Variants in DEPDC7 observed in about 807,000 individuals in gnomAD.
DEPDC7 encodes the protein DEP domain containing 7, also known as DEP domain-containing protein 7.
In DEPDC7, 41 loss-of-function variants were observed where a neutral mutation model predicts 56.6. The observed-to-expected ratio is 0.72, with a 90% CI of 0.56 to 0.94. The LOEUF (loss-of-function observed/expected upper bound fraction) is 0.94, where lower values mean the gene tolerates loss of function less well. Among genes scored for constraint, DEPDC7 ranks in the 40% least tolerant of loss-of-function variants. The pLI is 0.00. For missense variants in DEPDC7, 522 were observed against 596.3 expected (o/e 0.88, Z 1.30); for synonymous variants, 185 against 208.8 (o/e 0.89, Z 0.98).
At chr11:33,024,150 A>G (rs2133661170) in intron 1 of DEPDC7, among the ~76,000 whole-genome samples, 1 of 152,376 alleles carries the variant, frequency 6.6e-6, no homozygotes, top group Non-Finnish European at 1.5e-5. Flanking sequence ...ACAAAAACCC[A>G]AGACCTGATT....
Position 33,025,671 on chromosome 11 carries a change from C to T in DEPDC7, c.86C>T (p.Ala29Val), listed in dbSNP as rs780581236. The T allele has an allele frequency of 1.9e-6, 3 of 1,606,924 alleles. No individual in the cohort carries two copies. The highest frequency in any genetic ancestry group is 1.1e-5 in the South Asian group (1 of 90,898). Residue 29 changes from alanine (A) to valine (V), a missense_variant, in exon 2 of 9, where the codon GCT becomes GTT. Coordinates refer to ENST00000241051, the MANE Select transcript of DEPDC7 (RefSeq NM_001077242.2). The part of the protein sequence containing the change: ...PAHRPPGFSV[A>V]QKPFGATYVW... ...TTTCTCCTTCTAGGTTTCAGTGTAG[C>T]TCAGAAGCCATTTGGAGCCACGTAT...
chr11:33,022,889 C>G (rs1247834915), intron 1 of DEPDC7, among the ~76,000 whole-genome samples: 3 of 152,248 alleles, frequency 2.0e-5, no homozygotes, highest in Non-Finnish European at 2.9e-5. Context: ...GGAAGACTGG[C>G]AACAATTACT....
chr11:33,019,017 C>T (rs72901281), intron 1 of DEPDC7, among the ~76,000 whole-genome samples: 32,686 of 152,062 alleles, frequency 0.21, 3,725 homozygotes, highest in South Asian at 0.35. Context: ...TGCCCAAGAT[C>T]GTGTTATTAG....
intron 1 of DEPDC7, among the ~76,000 whole-genome samples, chr11:33,024,341 C>T (rs931038732): frequency 3.3e-5 from 5 of 152,120 alleles, no homozygotes; most frequent in Non-Finnish European, 5.9e-5. Context: ...GTTACTTTAC[C>T]GCGCATACAA....
chr11:33,020,207 T>C (rs775913285), intron 1 of DEPDC7, among the ~76,000 whole-genome samples: 4 of 152,196 alleles, frequency 2.6e-5, no homozygotes, highest in Non-Finnish European at 5.9e-5. Flanking sequence ...TAGGGAATTA[T>C]TATGACTCAG....
chr11:33,031,371 C>A lies in DEPDC7; in HGVS notation c.783-7C>A, dbSNP rs1853630539. 5.0e-6 allele frequency: 8 copies of A among 1,607,286 alleles called. No homozygotes were observed. In the Admixed American group the frequency reaches 1.0e-4, roughly 20 times the overall value. ...CCTTTTAAATAATCTTCCCCTCTCCCCTATAGGGAAGATGAGTGGCTCTCG... is the reference window on the plus strand; with the variant it reads ...CCTTTTAAATAATCTTCCCCTCTCCACTATAGGGAAGATGAGTGGCTCTCG... On this transcript the variant is annotated splice_polypyrimidine_tract_variant and splice_region_variant and intron_variant, in intron 4 of 8. Transcript: ENST00000241051.
Position 33,025,697 on chromosome 11 carries a change from G to T in DEPDC7, c.112G>T (p.Val38Leu). ...TCAGAAGCCATTTGGAGCCACGTAT[G>T]TATGGAGCAGCATCATAAACACTCT... The part of the protein sequence containing the change: ...VAQKPFGATY[V>L]WSSIINTLQT... The change falls in exon 2 of 9, where the codon GTA becomes TTA. Residue 38 changes from valine (V) to leucine (L), a missense_variant. Transcript: ENST00000241051. 1.9e-6 allele frequency: 3 copies of T among 1,613,406 alleles called. No homozygotes were observed. The highest frequency in any genetic ancestry group is 2.5e-6 in the Non-Finnish European group (3 of 1,179,346).
chr11:33,016,370 C>T, intron 1 of DEPDC7: 4 of 1,441,292 alleles, frequency 2.8e-6, no homozygotes, highest in South Asian at 1.5e-5. Context: ...GCGGTGCTAC[C>T]GGTGACAAGT....
At chr11:33,017,520 C>T (rs1307748452) in intron 1 of DEPDC7, among the ~76,000 whole-genome samples, 1 of 152,170 alleles carries the variant, frequency 6.6e-6, no homozygotes, top group Non-Finnish European at 1.5e-5. Flanking sequence ...GGAACACTGT[C>T]CTCGGCACAC....
At chr11:33,018,271 A>G (rs1853485695) in intron 1 of DEPDC7, among the ~76,000 whole-genome samples, 1 of 152,206 alleles carries the variant, frequency 6.6e-6, no homozygotes, top group South Asian at 2.1e-4. Context: ...CCATAAACAC[A>G]ATTCTCTTTA....
At chr11:33,022,863 A>G (rs1853536661) in intron 1 of DEPDC7, among the ~76,000 whole-genome samples, 1 of 152,204 alleles carries the variant, frequency 6.6e-6, no homozygotes, top group African/African-American at 2.4e-5. Flanking sequence ...TTCCTGAAAT[A>G]GCTCACATTA....
chr11:33,017,844 G>T (rs938434656), intron 1 of DEPDC7, among the ~76,000 whole-genome samples: 2 of 152,174 alleles, frequency 1.3e-5, no homozygotes, highest in African/African-American at 4.8e-5. Context: ...TCTTCAGCCA[G>T]TATGTCAAAA....
chr11:33,023,469 G>A (rs771317633), intron 1 of DEPDC7, among the ~76,000 whole-genome samples: 1 of 152,116 alleles, frequency 6.6e-6, no homozygotes, highest in Non-Finnish European at 1.5e-5. Context: ...TTATTGCAAC[G>A]TAAGAGATGA....
rs757731519 is a variant in DEPDC7, at chr11:33,025,942, C to CA, written c.363dup (p.Pro122ThrfsTer4). On this transcript the variant is annotated frameshift_variant, in exon 2 of 9. Coordinates refer to ENST00000241051, the MANE Select transcript of DEPDC7 (RefSeq NM_001077242.2). LOFTEE classifies it high-confidence loss of function. ...TTCCAACCAAAGTCTTTGGAAAAGA[C>CA]AAAAAACCTACATTTGAAGATAGTA... The CA allele has an allele frequency of 5.6e-6, 9 of 1,613,818 alleles. No individual in the cohort carries two copies. In the African/African-American group the frequency reaches 8.0e-5, roughly 14 times the overall value.
Position 33,027,773 on chromosome 11 carries a change from C to T in DEPDC7, c.552C>T (p.Asn184=). 1 of 1,576,964 alleles carries T rather than the reference C, an allele frequency of 6.3e-7. No individual in the cohort carries two copies. The highest frequency in any genetic ancestry group is 8.6e-7 in the Non-Finnish European group (1 of 1,165,798). ...LWENLSLKPA[N]SPHVNISATL... is the part of the protein sequence containing the mutation. ...AAAATCTGAGTTTAAAGCCTGCCAA[C>T]TCCCCTCATGTAAATATCTCTGCAA... Residue 184 remains asparagine (N), a synonymous_variant, in exon 3 of 9, where the codon AAC becomes AAT. Transcript: ENST00000241051.
rs1853602170 is a variant in DEPDC7 at position 33,028,642 on chromosome 11, T to A, written c.632T>A (p.Leu211Gln). ...EVWQEETIGRLLQLVDLPLLD... is the reference protein window; with the variant it reads ...EVWQEETIGRQLQLVDLPLLD... ...TGGCAAGAAGAAACAATTGGGCGTC[T>A]ACTACAACTTGTAGACCTTCCACTT... Residue 211 changes from leucine (L) to glutamine (Q), a missense_variant, in exon 4 of 9, where the codon CTA (leucine) becomes CAA (glutamine). Leu to Gln is a moderately radical substitution (Grantham distance 113). Coordinates refer to ENST00000241051, the MANE Select transcript of DEPDC7 (RefSeq NM_001077242.2). 1 of 1,605,106 alleles carries A rather than the reference T, an allele frequency of 6.2e-7. No homozygotes were observed. The highest frequency in any genetic ancestry group is 8.5e-7 in the Non-Finnish European group (1 of 1,177,940).
chr11:33,031,255 T>G, intron 4 of DEPDC7, 123 bp from the exon 5 acceptor site: 1 of 682,234 alleles, frequency 1.5e-6, no homozygotes, highest in Non-Finnish European at 2.5e-6. Context: ...TAAGCTCATG[T>G]AGAAATTTAT....
chr11:33,021,964 C>T (rs987831592), intron 1 of DEPDC7, among the ~76,000 whole-genome samples: 7 of 152,176 alleles, frequency 4.6e-5, no homozygotes, highest in African/African-American at 1.7e-4. Context: ...CCCCTCTCAC[C>T]GCCCTCTTCA....
At chr11:33,016,570 G>A (rs1415410896) in intron 1 of DEPDC7, 7 of 1,614,160 alleles carry the variant, frequency 4.3e-6, no homozygotes, top group Non-Finnish European at 5.9e-6. Flanking sequence ...CTACTGGCAG[G>A]AATTTGGCAT....
Sources: gnomAD v4.1 joint callset for allele counts (sites outside exome capture counted in the v4.1 genomes callset) on GRCh38, gnomAD v4.1.1 for gene constraint, MANE v1.5 for transcripts, NCBI Gene and HGNC (gene_info 2026-07-23, HGNC 2026-07-21) for gene names.